PHKA1: variants seen among roughly 807,000 people sequenced by gnomAD.
PHKA1 encodes phosphorylase b kinase regulatory subunit alpha, skeletal muscle isoform.
Under a neutral mutation model 110.2 loss-of-function variants are expected in PHKA1, and 60 were observed. That is an observed-to-expected ratio of 0.54 (90% CI 0.44 to 0.68). The LOEUF is 0.68. Among genes scored for constraint, PHKA1 ranks in the 30% least tolerant of loss-of-function variants. PHKA1 has a pLI of 0.00. For synonymous variants in PHKA1, 316 were observed against 333.6 expected (o/e 0.95, Z 0.58); for missense variants, 801 against 942.5 (o/e 0.85, Z 1.97).
intron 14 of PHKA1, 45 bp downstream of exon 14, chrX:72,644,317 T>TA: frequency 8.5e-7 from 1 of 1,182,913 alleles, no homozygotes; most frequent in Non-Finnish European, 1.1e-6. Flanking sequence ...AACCAGCCTA[T>TA]AATGAATAAT....
Position 72,660,513 on chromosome X carries a change from A to G in PHKA1, c.865-2872T>C, listed in dbSNP as rs1377668147. The G allele has an allele frequency of 7.7e-6, 3 of 390,342 alleles. No homozygotes were observed. The Admixed American group carries it at 1.3e-4, about 17-fold the overall frequency. 32.2% of individuals were successfully genotyped at this position (390,342 alleles called of 1,213,427 possible). A position where few individuals can be genotyped will look rare whatever the true frequency, so the allele number is the denominator to read the frequency against. On this transcript the variant is annotated intron_variant, in intron 8 of 31. Coordinates refer to ENST00000373542, the MANE Select transcript of PHKA1 (RefSeq NM_002637.4). Reference sequence around the variant, plus strand: ...AACAAGGAGGACTATACAATCCCAGATGAGTATAGAATTGGACCATAACAG... The same window carrying G: ...AACAAGGAGGACTATACAATCCCAGGTGAGTATAGAATTGGACCATAACAG...
chrX:72,682,498 GA>G (rs2053913331), intron 5 of PHKA1, among the ~76,000 whole-genome samples: 1 of 110,368 alleles, frequency 9.1e-6, no homozygotes, highest in East Asian at 3.0e-4. Flanking sequence ...GAAAGGTGGG[GA>G]AAAGATTGAG....
At chrX:72,662,398 C>G (rs782632233) in intron 8 of PHKA1, among the ~76,000 whole-genome samples, 68 of 111,868 alleles carry the variant, frequency 6.1e-4, no homozygotes, top group African/African-American at 2.1e-3. Context: ...GAAGCCTGGC[C>G]CCAGGAATGG....
At chrX:72,611,268 C>T in intron 21 of PHKA1, 84 bp from the exon 22 acceptor site, 2 of 761,717 alleles carry the variant, frequency 2.6e-6, no homozygotes, top group Non-Finnish European at 4.1e-6. Flanking sequence ...AATGAACATG[C>T]CTGTTTTTGA....
chrX:72,635,192 C>T lies in PHKA1; in HGVS notation c.1677G>A (p.Gln559=). ...YLCSRWRMTG[Q]PTITFPISHS... ...GTGAGATGGGGAAGGTGATGGTGGG[C>T]TGGCCTGTCATCCGCCAGCGGCTAC... Residue 559 remains glutamine, a synonymous_variant, in exon 16 of 32, where the codon CAG becomes CAA. Transcript: ENST00000373542. 1 of 1,211,776 alleles carries T rather than the reference C, an allele frequency of 8.3e-7. No homozygotes were observed. Among genetic ancestry groups the T allele is most frequent in the South Asian group, 1.8e-5 (1 of 56,983 alleles).
chrX:72,600,893 T>C (rs910890461), intron 28 of PHKA1, among the ~76,000 whole-genome samples: 4 of 111,415 alleles, frequency 3.6e-5, no homozygotes, highest in Non-Finnish European at 5.7e-5. Context: ...ACTCCAAATT[T>C]CCATTTCACC....
In PHKA1 at chrX:72,669,999, A is replaced by G. The variant is rs1478697779; in HGVS notation, c.619-2526T>C. ...TGAACTAGTTTACAGTCCCACCAACAGTGTAAAAGTGTTCCTATTTCTCCA... is the reference window on the plus strand; with the variant it reads ...TGAACTAGTTTACAGTCCCACCAACGGTGTAAAAGTGTTCCTATTTCTCCA... On this transcript the variant is annotated intron_variant, in intron 6 of 31. Transcript: ENST00000373542. 5.4e-5 allele frequency among the ~76,000 whole-genome samples: 6 copies of G among 111,107 alleles called. 1 individual carries two copies. The highest frequency in any genetic ancestry group is 2.0e-4 in the African/African-American group (6 of 30,492).
intron 6 of PHKA1, among the ~76,000 whole-genome samples, chrX:72,669,347 CTTTTTT>C (rs201527791): frequency 9.1e-6 from 1 of 109,548 alleles, no homozygotes; most frequent in African/African-American, 3.3e-5. Context: ...AGCTGTTTTT[CTTTTTT>C]TTTGTTGTTG....
chrX:72,713,996 C>T lies in PHKA1; in HGVS notation c.-116G>A. On this transcript the variant is annotated 5_prime_UTR_variant, in exon 1 of 32. Transcript: ENST00000373542. ...CCCTCGTGGTGGGACGCCTGAACAC[C>T]AGGCCCCGCAGAGCCCTCCCACCGC... 5.2e-6 allele frequency: 3 copies of T among 579,038 alleles called. No individual in the cohort carries two copies. In the South Asian group the frequency reaches 7.4e-5, roughly 14 times the overall value. The allele number at this position is 579,038 out of a possible 1,213,427, so 47.7% of individuals were successfully genotyped here.
In PHKA1 at chrX:72,653,387, C is replaced by CT. The variant is rs782117905; in HGVS notation, c.1137+47dup. ...CAAATGAGGTAGTCTGATCAAGGTACTGCTCCTCTTCTCTATCAGCTACAT... is the reference window on the plus strand; with the variant it reads ...CAAATGAGGTAGTCTGATCAAGGTACTTGCTCCTCTTCTCTATCAGCTACAT... On this transcript the variant is annotated intron_variant, in intron 11 of 31. Transcript: ENST00000373542. The CT allele has an allele frequency of 2.4e-5, 19 of 806,321 alleles. No individual in the cohort carries two copies. The African/African-American group carries it at 3.8e-4, about 16-fold the overall frequency. The allele number at this position is 806,321 out of a possible 1,213,427, so 66.4% of individuals were successfully genotyped here.
rs1569445386 is a variant in PHKA1 at position 72,667,401 on chromosome X, G to A, written c.691C>T (p.Leu231=). 2.5e-6 allele frequency: 3 copies of A among 1,206,615 alleles called. No homozygotes were observed. The African/African-American group carries it at 5.3e-5, about 21-fold the overall frequency. The change falls in exon 7 of 32, where the codon CTG becomes TTG. Residue 231 remains leucine (L), a synonymous_variant. Transcript: ENST00000373542. ...KGGPQSVIHV[L]ADEVQHCQSI... is the part of the protein sequence containing the mutation. ...TGGCAGTGCTGTACTTCATCAGCCAGGACATGGATAACTGATTGAGGCCCA... is the reference window on the plus strand; with the variant it reads ...TGGCAGTGCTGTACTTCATCAGCCAAGACATGGATAACTGATTGAGGCCCA...
At chrX:72,631,280 T>C (rs1363751094) in intron 16 of PHKA1, among the ~76,000 whole-genome samples, 1 of 112,064 alleles carries the variant, frequency 8.9e-6, no homozygotes, top group Non-Finnish European at 1.9e-5. Flanking sequence ...CTTTGCATGA[T>C]AACACCAACA....
At chrX:72,638,400 G>C (rs2053255460) in intron 14 of PHKA1, among the ~76,000 whole-genome samples, 1 of 105,929 alleles carries the variant, frequency 9.4e-6, no homozygotes, top group Non-Finnish European at 1.9e-5. Context: ...AAGCTATGTT[G>C]AATAGAAGTC....
At chrX:72,600,504 A>G (rs889421575) in intron 28 of PHKA1, among the ~76,000 whole-genome samples, 1 of 112,204 alleles carries the variant, frequency 8.9e-6, no homozygotes, top group Non-Finnish European at 1.9e-5. Context: ...CACGTTTCAA[A>G]TAGGAAAATA....
At position 72,582,600 on chromosome X, in the gene PHKA1, T is replaced by A; in HGVS notation, c.3298-2A>T. On this transcript the variant is annotated splice_acceptor_variant, in intron 30 of 31. Coordinates refer to ENST00000373542, the MANE Select transcript of PHKA1 (RefSeq NM_002637.4). LOFTEE classifies it high-confidence loss of function. ...GAATTTAATCTCACCTGGAGTCATCTGTGATAGAGAAAAAGAAAATCACTT... is the reference window on the plus strand; with the variant it reads ...GAATTTAATCTCACCTGGAGTCATCAGTGATAGAGAAAAAGAAAATCACTT... 8.7e-7 allele frequency: 1 copy of A among 1,152,265 alleles called. No individual in the cohort carries two copies. The highest frequency in any genetic ancestry group is 2.2e-5 in the Admixed American group (1 of 45,528). 95.0% of individuals were successfully genotyped at this position (1,152,265 alleles called of 1,213,427 possible).
At chrX:72,687,430 TTATTCATCTCTTA>T (rs1172677109) in intron 4 of PHKA1, among the ~76,000 whole-genome samples, 1 of 111,987 alleles carries the variant, frequency 8.9e-6, no homozygotes. Context: ...GAAACTGGCC[TTATTCATCTCTTA>T]GATTTGTATC....
At position 72,619,295 on chromosome X, in the gene PHKA1, C is replaced by G. The variant is rs782097023; in HGVS notation, c.2148G>C (p.Met716Ile). The G allele has an allele frequency of 1.7e-6, 2 of 1,155,019 alleles. No homozygotes were observed. The highest frequency in any genetic ancestry group is 3.6e-5 in the South Asian group (2 of 54,931). ...AKELHVQNVH[M>I]YLPTKLFQAS... ...CCTGAAATAACTTCGTAGGAAGATA[C>G]ATGTGAACATCTGCAAAAATATGAC... The change falls in exon 20 of 32, where the codon ATG becomes ATC. Residue 716 changes from methionine (M) to isoleucine (I), a missense_variant. Coordinates refer to ENST00000373542, the MANE Select transcript of PHKA1 (RefSeq NM_002637.4).
intron 16 of PHKA1, among the ~76,000 whole-genome samples, chrX:72,630,273 A>G (rs1239979605): frequency 1.0e-5 from 1 of 95,240 alleles, no homozygotes; most frequent in African/African-American, 3.9e-5. Context: ...AAGAAAAAGA[A>G]AAAGAAAAAG....
At position 72,611,180 on chromosome X, in the gene PHKA1, G is replaced by A. The variant is rs1386836661; in HGVS notation, c.2374C>T (p.Pro792Ser). The change falls in exon 22 of 32, where the codon CCT (proline) becomes TCT (serine). Residue 792 changes from proline to serine, a missense_variant. Pro to Ser is a moderately conservative substitution (Grantham distance 74, BLOSUM62 -1). Transcript: ENST00000373542. ...TTATACAATTCAGTGTTCCAGTCAG[G>A]TCCTCTAGAATTTTAACGACAGGAC... ...ILYMLYTMKG[P>S]DWNTELYNER... is the part of the protein sequence containing the mutation. 8.3e-7 allele frequency: 1 copy of A among 1,198,933 alleles called. No individual in the cohort carries two copies. Among genetic ancestry groups the A allele is most frequent in the Admixed American group, 2.2e-5 (1 of 45,836 alleles).
Sources: allele counts gnomAD v4.1 joint callset (sites outside exome capture counted in the v4.1 genomes callset), GRCh38; gene constraint gnomAD v4.1.1; transcripts MANE v1.5; gene names NCBI Gene and HGNC (gene_info 2026-07-23, HGNC 2026-07-21).